PDE4B: variants seen among roughly 807,000 people sequenced by gnomAD.
PDE4B encodes the protein phosphodiesterase 4B.
A neutral mutation model predicts 82.2 loss-of-function variants in PDE4B; 20 were observed. The ratio of observed to expected loss-of-function variants is 0.24; its 90% CI spans 0.17 to 0.35. The LOEUF (loss-of-function observed/expected upper bound fraction) is 0.35, where lower values mean the gene tolerates loss of function less well. PDE4B is among the 10% of genes least tolerant of loss of function. The probability of loss-of-function intolerance (pLI) is 1.00; values close to 1 mark genes in which losing one functional copy is unlikely to be tolerated. For synonymous variants in PDE4B, 320 were observed against 318.9 expected (o/e 1.00, Z -0.04); for missense variants, 655 against 907.2 (o/e 0.72, Z 3.57).
chr1:66,202,503 A>G (rs1649079082), intron 3 of PDE4B, among the ~76,000 whole-genome samples: 1 of 152,186 alleles, frequency 6.6e-6, no homozygotes, highest in Non-Finnish European at 1.5e-5. Flanking sequence ...TAGGTCACGC[A>G]GGACTTGCTT....
At chr1:66,165,805 TA>T (rs1646717843) in intron 3 of PDE4B, among the ~76,000 whole-genome samples, 1 of 152,110 alleles carries the variant, frequency 6.6e-6, no homozygotes, top group South Asian at 2.1e-4. Context: ...TTTAAGATGG[TA>T]TTACTCCCCA....
chr1:65,947,028 C>T (rs1569781559), intron 3 of PDE4B, among the ~76,000 whole-genome samples: 1 of 152,010 alleles, frequency 6.6e-6, no homozygotes, highest in Non-Finnish European at 1.5e-5. Context: ...CTAGAACACA[C>T]GTTTCTTTCC....
intron 1 of PDE4B, among the ~76,000 whole-genome samples, chr1:65,823,193 C>T (rs886667179): frequency 4.0e-5 from 6 of 151,726 alleles, no homozygotes; most frequent in African/African-American, 7.3e-5. Context: ...GTCAGGAGTT[C>T]GAGACCAGCC....
At chr1:65,958,849 C>A (rs1490168289) in intron 3 of PDE4B, among the ~76,000 whole-genome samples, 1 of 152,118 alleles carries the variant, frequency 6.6e-6, no homozygotes, top group Non-Finnish European at 1.5e-5. Flanking sequence ...CTGCAGTAAT[C>A]TGCAGTTTTG....
chr1:66,056,086 CTTTA>C (rs1390816917), intron 3 of PDE4B, among the ~76,000 whole-genome samples: 1 of 152,158 alleles, frequency 6.6e-6, no homozygotes, highest in Non-Finnish European at 1.5e-5. Flanking sequence ...GTGATGCTTA[CTTTA>C]TTTATGCTAC....
intron 7 of PDE4B, among the ~76,000 whole-genome samples, chr1:66,268,223 C>T (rs1655193257): frequency 6.6e-6 from 1 of 152,068 alleles, no homozygotes; most frequent in Non-Finnish European, 1.5e-5. Context: ...TCTTAAAATG[C>T]TTTATTATTT....
chr1:65,828,770 C>T lies in PDE4B; in HGVS notation c.-71+35522C>T, dbSNP rs538331757. On this transcript the variant is annotated intron_variant, in intron 1 of 16. Coordinates refer to ENST00000341517, the MANE Select transcript of PDE4B (RefSeq NM_002600.4). Reference sequence around the variant, plus strand: ...ATTTTGTTAAAATATGTAATTATAACCCCTAGGAAAATCACTTAAAAAGTT... The same window carrying T: ...ATTTTGTTAAAATATGTAATTATAATCCCTAGGAAAATCACTTAAAAAGTT... 1.4e-4 allele frequency among the ~76,000 whole-genome samples: 21 copies of T among 151,840 alleles called. No individual in the cohort carries two copies. The South Asian group carries it at 4.0e-3, about 29-fold the overall frequency.
intron 6 of PDE4B, among the ~76,000 whole-genome samples, chr1:66,259,648 C>T (rs1446069147): frequency 1.3e-5 from 2 of 152,142 alleles, no homozygotes; most frequent in Non-Finnish European, 2.9e-5. Flanking sequence ...GATCTCTGCC[C>T]ACCACTAGAC....
At chr1:66,323,165 A>G (rs1369096965) in intron 7 of PDE4B, among the ~76,000 whole-genome samples, 3 of 152,140 alleles carry the variant, frequency 2.0e-5, no homozygotes, top group South Asian at 2.1e-4. Flanking sequence ...AGATCTTTGC[A>G]TGGCCTTCCA....
At chr1:66,169,002 A>T (rs762486255) in intron 3 of PDE4B, among the ~76,000 whole-genome samples, 2 of 152,236 alleles carry the variant, frequency 1.3e-5, no homozygotes, top group Non-Finnish European at 2.9e-5. Context: ...CAGGATTATC[A>T]GCATCCAGAA....
At chr1:66,212,686 G>A (rs945801) in intron 3 of PDE4B, among the ~76,000 whole-genome samples, 74,056 of 151,890 alleles carry the variant, frequency 0.49, 19,150 homozygotes, top group South Asian at 0.64. Flanking sequence ...AAAAATCCTG[G>A]CCCATACTGG....
At position 65,887,499 on chromosome 1, in the gene PDE4B, C is replaced by T. The variant is rs1370005998; in HGVS notation, c.-70-25746C>T. 2.3e-5 allele frequency among the ~76,000 whole-genome samples: 3 copies of T among 128,570 alleles called. No homozygotes were observed. The East Asian group carries it at 7.1e-4, about 31-fold the overall frequency. 84.3% of individuals were successfully genotyped at this position (128,570 alleles called of 152,430 possible). A position where few individuals can be genotyped will look rare whatever the true frequency, so the allele number is the denominator to read the frequency against. ...GTGGTGCAATCTTGGCTCACTGCAG[C>T]CTCTGCCTCCCAGACTCCAGAGATC... On this transcript the variant is annotated intron_variant, in intron 1 of 16. Coordinates refer to ENST00000341517, the MANE Select transcript of PDE4B (RefSeq NM_002600.4).
chr1:65,884,822 A>G (rs79169303), intron 1 of PDE4B, among the ~76,000 whole-genome samples: 27,726 of 152,188 alleles, frequency 0.18, 2,981 homozygotes, highest in South Asian at 0.38. Context: ...TGTCTAAAAC[A>G]CCAAAAGCAA....
chr1:65,949,278 G>A (rs1327767406), intron 3 of PDE4B, among the ~76,000 whole-genome samples: 1 of 152,106 alleles, frequency 6.6e-6, no homozygotes, highest in African/African-American at 2.4e-5. Flanking sequence ...AGGGTTTTCT[G>A]TCTCATAGAA....
Position 66,253,273 on chromosome 1 carries a change from A to G in PDE4B, c.477-4374A>G, listed in dbSNP as rs1653932122. Among the ~76,000 whole-genome samples the G allele has an allele frequency of 1.3e-5, 2 of 152,246 alleles. 1 individual carries two copies. Among genetic ancestry groups the G allele is most frequent in the African/African-American group, 4.8e-5 (2 of 41,462 alleles). ...GTATATATCTCTCCATATGACAGAC[A>G]AAAATTAAGGAAATTACAAGTTAAT... is the stretch of plus-strand genomic sequence containing the variant. On this transcript the variant is annotated intron_variant, in intron 4 of 16. Transcript: ENST00000341517.
At chr1:66,306,010 C>A (rs1310029412) in intron 7 of PDE4B, among the ~76,000 whole-genome samples, 1 of 152,054 alleles carries the variant, frequency 6.6e-6, no homozygotes, top group East Asian at 1.9e-4. Context: ...GCATGGGAAT[C>A]AAGGAAGCCT....
At chr1:65,819,738 A>C (rs1306317102) in intron 1 of PDE4B, among the ~76,000 whole-genome samples, 2 of 151,916 alleles carry the variant, frequency 1.3e-5, no homozygotes, top group Non-Finnish European at 2.9e-5. Flanking sequence ...TGACCTCATG[A>C]TCCGCCTGCC....
At chr1:66,299,266 A>G (rs935670984) in intron 7 of PDE4B, among the ~76,000 whole-genome samples, 3 of 151,780 alleles carry the variant, frequency 2.0e-5, no homozygotes, top group African/African-American at 7.3e-5. Context: ...CCATAATTCT[A>G]CTCTCTATTA....
chr1:66,113,944 A>C (rs926643225), intron 3 of PDE4B, among the ~76,000 whole-genome samples: 1 of 152,204 alleles, frequency 6.6e-6, no homozygotes, highest in African/African-American at 2.4e-5. Context: ...GAGAGTAAGC[A>C]CTTCTACTAT....
Sources: allele counts gnomAD v4.1 joint callset (sites outside exome capture counted in the v4.1 genomes callset), GRCh38; gene constraint gnomAD v4.1.1; transcripts MANE v1.5; gene names NCBI Gene and HGNC (gene_info 2026-07-23, HGNC 2026-07-21).